RANBP2: variants seen among roughly 807,000 people sequenced by gnomAD.
The protein encoded by RANBP2 is E3 SUMO-protein ligase RanBP2.
A neutral mutation model predicts 303.6 loss-of-function variants in RANBP2; 57 were observed. That is an observed-to-expected ratio of 0.19 (90% CI 0.15 to 0.23). The LOEUF is 0.23. Ranked by LOEUF, RANBP2 falls within the 10% of genes least tolerant of loss-of-function variation. RANBP2 has a pLI of 1.00. For synonymous variants in RANBP2, 1,167 were observed against 1,301.5 expected, an observed-to-expected ratio of 0.90 and a Z score of 2.23; for missense variants, 3,138 against 3,780.8, an observed-to-expected ratio of 0.83 and a Z score of 4.46.
chr2:109,032,643 A>G, the RANBP2 span, among the ~76,000 whole-genome samples: 1 of 152,102 alleles, frequency 6.6e-6, no homozygotes, highest in African/African-American at 2.4e-5. Flanking sequence ...GGCCAACTAG[A>G]TGTGTCTTCT....
chr2:109,299,026 C>T, the RANBP2 span, among the ~76,000 whole-genome samples: 1 of 152,212 alleles, frequency 6.6e-6, no homozygotes, highest in Non-Finnish European at 1.5e-5. Context: ...GATGTCTCCC[C>T]CCAGTGCCCT....
At chr2:109,576,783 C>G in the RANBP2 span, among the ~76,000 whole-genome samples, 2,724 of 152,056 alleles carry the variant, frequency 0.018, 75 homozygotes, top group African/African-American at 0.062. Flanking sequence ...CTTTCATACT[C>G]TGGACAAAAA....
At chr2:108,939,446 T>C in the RANBP2 span, among the ~76,000 whole-genome samples, 3 of 152,178 alleles carry the variant, frequency 2.0e-5, no homozygotes, top group Non-Finnish European at 4.4e-5. Flanking sequence ...AGTATGCGTA[T>C]GTGAAAATGG....
chr2:109,541,130 T>A, the RANBP2 span, among the ~76,000 whole-genome samples: 6 of 152,216 alleles, frequency 3.9e-5, no homozygotes, highest in Admixed American at 2.6e-4. Context: ...CACATCACCA[T>A]GTTTCATGGT....
chr2:109,680,187 CA>C, the RANBP2 span, among the ~76,000 whole-genome samples: 206 of 127,602 alleles, frequency 1.6e-3, no homozygotes, highest in Middle Eastern at 4.3e-3. Flanking sequence ...ACTAAAAATA[CA>C]AAAAAAAAAA....
the RANBP2 span, among the ~76,000 whole-genome samples, chr2:108,909,584 G>T: frequency 6.6e-6 from 1 of 152,356 alleles, no homozygotes; most frequent in Middle Eastern, 3.4e-3. Flanking sequence ...CCTTCCAGGC[G>T]CAGCCTGCAG....
the RANBP2 span, among the ~76,000 whole-genome samples, chr2:109,699,942 C>A: frequency 6.6e-6 from 1 of 152,182 alleles, no homozygotes; most frequent in Non-Finnish European, 1.5e-5. Flanking sequence ...TCAGGATTTG[C>A]TTCCTTTGCT....
rs369833909 is a variant in RANBP2 at position 108,740,685 on chromosome 2, A to G, written c.975+4A>G. 3 of 1,597,374 alleles carry G rather than the reference A, an allele frequency of 1.9e-6. No homozygotes were observed. The highest frequency in any genetic ancestry group is 1.3e-5 in the African/African-American group (1 of 74,826). On this transcript the variant is annotated splice_donor_region_variant and intron_variant, in intron 7 of 28. Coordinates refer to ENST00000283195, the MANE Select transcript of RANBP2 (RefSeq NM_006267.5). ...GTGCTATCTCATAGCATTTCAGGTAAGTCTTCCACTTGTAGGAGCAATTGA... is the reference window on the plus strand; with the variant it reads ...GTGCTATCTCATAGCATTTCAGGTAGGTCTTCCACTTGTAGGAGCAATTGA...
the RANBP2 span, among the ~76,000 whole-genome samples, chr2:109,390,937 C>T: frequency 2.4e-3 from 373 of 152,250 alleles, 1 homozygote; most frequent in African/African-American, 8.6e-3. Context: ...CTGGGGTAGG[C>T]GGGCAGGTTC....
chr2:109,585,629 G>A, the RANBP2 span: 2 of 892,454 alleles, frequency 2.2e-6, no homozygotes, highest in Non-Finnish European at 3.6e-6. Context: ...ATTTCAAATT[G>A]ATAACATGAG....
chr2:109,044,431 G>C, the RANBP2 span, among the ~76,000 whole-genome samples: 1 of 151,878 alleles, frequency 6.6e-6, no homozygotes, highest in Non-Finnish European at 1.5e-5. Flanking sequence ...GCTCAGGCAG[G>C]AGAATGGCGT....
chr2:109,548,767 C>A, the RANBP2 span, among the ~76,000 whole-genome samples: 6 of 104,800 alleles, frequency 5.7e-5, no homozygotes, highest in African/African-American at 2.4e-4. Context: ...CAGAGTTAGG[C>A]TCCATCTCAA....
the RANBP2 span, among the ~76,000 whole-genome samples, chr2:109,627,015 G>A: frequency 5.3e-5 from 8 of 152,120 alleles, no homozygotes; most frequent in East Asian, 1.9e-4. Flanking sequence ...ACAAACAAAC[G>A]AACAGGGCTG....
the RANBP2 span, among the ~76,000 whole-genome samples, chr2:109,350,590 C>T: frequency 6.6e-6 from 1 of 152,198 alleles, no homozygotes; most frequent in Non-Finnish European, 1.5e-5. Flanking sequence ...TCTCACTCCT[C>T]AGTGTCCGCA....
chr2:109,013,890 C>G, the RANBP2 span, among the ~76,000 whole-genome samples: 188 of 152,214 alleles, frequency 1.2e-3, no homozygotes, highest in African/African-American at 4.5e-3. Context: ...TCCAATCATT[C>G]TTAATGGCTT....
chr2:108,774,907 G>C (rs949313158), intron 23 of RANBP2, among the ~76,000 whole-genome samples: 1 of 151,896 alleles, frequency 6.6e-6, no homozygotes, highest in Admixed American at 6.6e-5. Flanking sequence ...GGTAAGGCTG[G>C]TCTTGAACTC....
At chr2:109,100,584 C>G in the RANBP2 span, among the ~76,000 whole-genome samples, 1 of 152,024 alleles carries the variant, frequency 6.6e-6, no homozygotes, top group African/African-American at 2.4e-5. Flanking sequence ...ATTAAGAAGT[C>G]CAAAGGTGAC....
At chr2:109,178,732 A>G in the RANBP2 span, among the ~76,000 whole-genome samples, 3 of 152,170 alleles carry the variant, frequency 2.0e-5, no homozygotes, top group Non-Finnish European at 4.4e-5. Flanking sequence ...AACATTTTTA[A>G]TTGGTGTGTC....
chr2:109,297,492 C>T, the RANBP2 span, among the ~76,000 whole-genome samples: 1 of 152,106 alleles, frequency 6.6e-6, no homozygotes, highest in African/African-American at 2.4e-5. Context: ...GTGCTCCCCA[C>T]CAGACCAGTG....
Sources: allele counts gnomAD v4.1 joint callset (sites outside exome capture counted in the v4.1 genomes callset), GRCh38; gene constraint gnomAD v4.1.1; transcripts MANE v1.5; gene names NCBI Gene and HGNC (gene_info 2026-07-23, HGNC 2026-07-21).